The following NEGR1 variants were observed in gnomAD, a reference collection of about 807,000 sequenced individuals.
The protein encoded by NEGR1 is neuronal growth regulator 1.
NEGR1 carries 10 observed loss-of-function variants against 40.9 expected under a neutral mutation model. That is an observed-to-expected ratio of 0.24 (90% CI 0.15 to 0.42). The LOEUF is 0.42. Among genes scored for constraint, NEGR1 ranks in the 10% least tolerant of loss-of-function variants. The probability of loss-of-function intolerance (pLI) is 1.00; values close to 1 mark genes in which losing one functional copy is unlikely to be tolerated. For missense variants in NEGR1, 352 were observed against 438.9 expected, an observed-to-expected ratio of 0.80 and a Z score of 1.77; for synonymous variants, 185 against 166.8, an observed-to-expected ratio of 1.11 and a Z score of -0.84.
chr1:71,565,905 A>G (rs1648606770), intron 6 of NEGR1, among the ~76,000 whole-genome samples: 1 of 152,122 alleles, frequency 6.6e-6, no homozygotes, highest in Non-Finnish European at 1.5e-5. Flanking sequence ...CTATGTCCAC[A>G]TGTAAGTCAA....
chr1:72,011,869 A>C (rs1041286806), intron 1 of NEGR1, among the ~76,000 whole-genome samples: 1 of 152,118 alleles, frequency 6.6e-6, no homozygotes, highest in Non-Finnish European at 1.5e-5. Flanking sequence ...GCAGGGATCT[A>C]TCAAATCCTA....
At chr1:71,739,489 A>G (rs1299011598) in intron 3 of NEGR1, among the ~76,000 whole-genome samples, 2 of 151,796 alleles carry the variant, frequency 1.3e-5, no homozygotes, top group Non-Finnish European at 2.9e-5. Context: ...CACCCCCACC[A>G]AAACAAAAAA....
Position 72,282,326 on chromosome 1 carries a change from C to A in NEGR1, c.169G>T (p.Val57Leu), listed in dbSNP as rs764678412. ...NMMVRKGDTA[V>L]LRCYLEDGAS... The stretch of plus-strand genomic sequence containing the variant: ...GCACGCCGTTCTTCCTACCTAAGCA[C>A]CGCCGTGTCCCCTTTTCTGACCATC... Residue 57 changes from valine (V) to leucine (L), a missense_variant, in exon 1 of 7, where the codon GTG becomes TTG. This residue lies in a region of NEGR1 where 81 missense variants were observed against 85.8 expected (regional missense o/e 0.94). Transcript: ENST00000357731. 2 of 1,614,048 alleles carry A rather than the reference C, an allele frequency of 1.2e-6. No homozygotes were observed. The highest frequency in any genetic ancestry group is 3.3e-5 in the Admixed American group (2 of 60,016).
intron 5 of NEGR1, among the ~76,000 whole-genome samples, chr1:71,608,423 T>A (rs1650137164): frequency 6.6e-6 from 1 of 151,198 alleles, no homozygotes; most frequent in East Asian, 1.9e-4. Flanking sequence ...ACTGAAGCTA[T>A]GATTGTGGGC....
At chr1:71,759,637 T>G (rs1448359879) in intron 3 of NEGR1, among the ~76,000 whole-genome samples, 1 of 100,642 alleles carries the variant, frequency 9.9e-6, no homozygotes, top group African/African-American at 3.8e-5. Flanking sequence ...TGAGACGGAG[T>G]CCCACTCTGT....
chr1:71,495,478 GA>G (rs59058061), intron 6 of NEGR1, among the ~76,000 whole-genome samples: 76,087 of 135,760 alleles, frequency 0.56, 21,001 homozygotes, highest in Middle Eastern at 0.66. Flanking sequence ...CTCCATCTCG[GA>G]AAAAAAAAAA....
At chr1:71,940,227 A>G (rs1437118265) in intron 1 of NEGR1, among the ~76,000 whole-genome samples, 1 of 152,200 alleles carries the variant, frequency 6.6e-6, no homozygotes, top group East Asian at 1.9e-4. Context: ...AGACAATGAA[A>G]TAATCTGAAT....
chr1:71,881,941 A>G (rs1021671734), intron 2 of NEGR1, among the ~76,000 whole-genome samples: 1 of 152,140 alleles, frequency 6.6e-6, no homozygotes, highest in Non-Finnish European at 1.5e-5. Flanking sequence ...TCTGTAATCT[A>G]CATTTTAGAG....
At chr1:72,003,962 T>C (rs969851974) in intron 1 of NEGR1, among the ~76,000 whole-genome samples, 3 of 152,184 alleles carry the variant, frequency 2.0e-5, no homozygotes, top group South Asian at 2.1e-4. Flanking sequence ...AGACAATAAA[T>C]GAGAGATTAA....
intron 1 of NEGR1, among the ~76,000 whole-genome samples, chr1:72,196,397 T>A (rs995734320): frequency 6.6e-6 from 1 of 152,130 alleles, no homozygotes; most frequent in East Asian, 1.9e-4. Flanking sequence ...TTTGCTTTTG[T>A]CTTAACTCAT....
intron 1 of NEGR1, among the ~76,000 whole-genome samples, chr1:71,953,318 T>G (rs1439706000): frequency 1.3e-5 from 2 of 150,354 alleles, no homozygotes; most frequent in Non-Finnish European, 2.9e-5. Context: ...GGAGATGCGG[T>G]GGAAATAGTA....
At chr1:72,172,425 T>A (rs1053086247) in intron 1 of NEGR1, among the ~76,000 whole-genome samples, 4 of 152,090 alleles carry the variant, frequency 2.6e-5, no homozygotes, top group African/African-American at 9.7e-5. Context: ...ATATAATTCA[T>A]AAATATAATA....
intron 1 of NEGR1, among the ~76,000 whole-genome samples, chr1:71,988,542 T>A (rs1334699870): frequency 1.9e-5 from 1 of 52,208 alleles, no homozygotes; most frequent in African/African-American, 1.0e-4. Flanking sequence ...CGAGACTCCG[T>A]CTCAAAAAAA....
intron 2 of NEGR1, among the ~76,000 whole-genome samples, chr1:71,808,182 G>GA (rs1231244327): frequency 1.3e-5 from 2 of 152,066 alleles, no homozygotes; most frequent in Admixed American, 6.6e-5. Flanking sequence ...TCTTAAGAGG[G>GA]AAAATCACTC....
chr1:71,661,868 C>T (rs997099567), intron 4 of NEGR1, among the ~76,000 whole-genome samples: 8 of 152,116 alleles, frequency 5.3e-5, no homozygotes, highest in African/African-American at 1.9e-4. Context: ...GCCTCAGGAA[C>T]CAAAAAGATG....
At chr1:71,688,347 T>TATATATATATAAA (rs1653118386) in intron 4 of NEGR1, among the ~76,000 whole-genome samples, 1 of 100,720 alleles carries the variant, frequency 9.9e-6, no homozygotes, top group Non-Finnish European at 1.9e-5. Flanking sequence ...GATAGATAGA[T>TATATATATATAAA]AGATAGATTA....
At chr1:71,860,772 A>C (rs1659922204) in intron 2 of NEGR1, among the ~76,000 whole-genome samples, 1 of 152,092 alleles carries the variant, frequency 6.6e-6, no homozygotes, top group Non-Finnish European at 1.5e-5. Flanking sequence ...CTCCTCTCTT[A>C]TGTACAGATG....
intron 1 of NEGR1, among the ~76,000 whole-genome samples, chr1:72,192,704 A>C (rs1448776004): frequency 3.3e-5 from 5 of 151,862 alleles, no homozygotes; most frequent in Non-Finnish European, 7.4e-5. Context: ...ATCAAATTGC[A>C]TATTGCCAGA....
At chr1:71,470,033 A>G (rs1646771838) in intron 6 of NEGR1, among the ~76,000 whole-genome samples, 1 of 152,098 alleles carries the variant, frequency 6.6e-6, no homozygotes, top group Non-Finnish European at 1.5e-5. Context: ...AGGCTTGGCC[A>G]TATCAAATGT....
Sources: gnomAD v4.1 joint callset for allele counts (sites outside exome capture counted in the v4.1 genomes callset) on GRCh38, gnomAD v4.1.1 for gene constraint, gnomAD v4.1.1 regional missense constraint, MANE v1.5 for transcripts, NCBI Gene and HGNC (gene_info 2026-07-23, HGNC 2026-07-21) for gene names.